ZFAND3: variants seen among roughly 807,000 people sequenced by gnomAD.
ZFAND3 encodes AN1-type zinc finger protein 3.
ZFAND3 carries 10 observed loss-of-function variants against 29.6 expected under a neutral mutation model. The ratio of observed to expected loss-of-function variants is 0.34; its 90% CI spans 0.21 to 0.57. The LOEUF (loss-of-function observed/expected upper bound fraction) is 0.57, where lower values mean the gene tolerates loss of function less well. Among genes scored for constraint, ZFAND3 ranks in the 20% least tolerant of loss-of-function variants. The pLI, the probability that ZFAND3 is intolerant of heterozygous loss-of-function variation, is 0.86. For synonymous variants in ZFAND3, 128 were observed against 112.6 expected, an observed-to-expected ratio of 1.14 and a Z score of -0.87; for missense variants, 230 against 304.5, an observed-to-expected ratio of 0.76 and a Z score of 1.82.
intron 5 of ZFAND3, 114 bp from the exon 6 acceptor site, chr6:38,152,120 TG>T: frequency 1.0e-6 from 1 of 998,250 alleles, no homozygotes; most frequent in South Asian, 2.0e-5. Flanking sequence ...CTGCAGTGAG[TG>T]TTGTCCACTC....
chr6:38,144,202 T>TATATATATATA (rs1766038791), intron 5 of ZFAND3, among the ~76,000 whole-genome samples: 1 of 41,190 alleles, frequency 2.4e-5, no homozygotes, highest in East Asian at 3.1e-4. Flanking sequence ...TATATATATA[T>TATATATATATA]ATATATATAA....
chr6:37,845,672 C>T (rs1248459858), intron 1 of ZFAND3, among the ~76,000 whole-genome samples: 2 of 152,200 alleles, frequency 1.3e-5, no homozygotes, highest in Admixed American at 1.3e-4. Flanking sequence ...GTATGCCAGT[C>T]TCTACTCCCT....
At position 37,937,812 on chromosome 6, in the gene ZFAND3, A is replaced by AAC. The variant is rs531777361; in HGVS notation, c.112+7825_112+7826dup. ...GACGCCCAAGAGGGATTTCTCGTGT[A>AAC]ACACACACACACATTTTGGTCATGT... On this transcript the variant is annotated intron_variant, in intron 2 of 5. Transcript: ENST00000287218. Among the ~76,000 whole-genome samples the AAC allele has an allele frequency of 2.9e-3, 436 of 152,130 alleles. 2 individuals are homozygous for AAC. Among genetic ancestry groups the AAC allele is most frequent in the African/African-American group, 9.8e-3 (408 of 41,514 alleles).
At chr6:38,041,710 T>C (rs1432672881) in intron 2 of ZFAND3, among the ~76,000 whole-genome samples, 69 of 556 alleles carry the variant, frequency 0.12, 8 homozygotes, top group South Asian at 0.5. Flanking sequence ...CTCCTCCTCC[T>C]CCTCCTCCTC....
chr6:38,050,845 G>A (rs190685263), intron 2 of ZFAND3, among the ~76,000 whole-genome samples: 10 of 152,212 alleles, frequency 6.6e-5, no homozygotes, highest in Non-Finnish European at 8.8e-5. Flanking sequence ...TTTATCTTAA[G>A]GGAAAACGTG....
intron 2 of ZFAND3, among the ~76,000 whole-genome samples, chr6:37,931,841 G>A (rs911146558): frequency 6.6e-6 from 1 of 152,184 alleles, no homozygotes; most frequent in Non-Finnish European, 1.5e-5. Context: ...CTAGGGGTTA[G>A]ATGGGAAAGA....
intron 2 of ZFAND3, among the ~76,000 whole-genome samples, chr6:38,026,594 T>C (rs1763454427): frequency 6.6e-6 from 1 of 151,908 alleles, no homozygotes; most frequent in Admixed American, 6.6e-5. Flanking sequence ...CATGCCCCAC[T>C]AATTTTTTGT....
chr6:37,954,129 T>TC (rs1163200515), intron 2 of ZFAND3, among the ~76,000 whole-genome samples: 9 of 152,176 alleles, frequency 5.9e-5, no homozygotes, highest in Non-Finnish European at 1.3e-4. Context: ...ATCCTTTTTT[T>TC]CTCTGGGTGC....
chr6:38,144,196 TATA>T, intron 5 of ZFAND3, among the ~76,000 whole-genome samples: 1 of 41,090 alleles, frequency 2.4e-5, no homozygotes, highest in Middle Eastern at 9.6e-3. Flanking sequence ...TATATATATA[TATA>T]TATATATATA....
intron 2 of ZFAND3, among the ~76,000 whole-genome samples, chr6:38,023,053 A>G (rs1763380369): frequency 6.6e-6 from 1 of 152,236 alleles, no homozygotes; most frequent in Non-Finnish European, 1.5e-5. Context: ...AGAATGTACT[A>G]TTCTTTGTGA....
At position 38,116,677 on chromosome 6, in the gene ZFAND3, G is replaced by A; in HGVS notation, c.467G>A (p.Arg156Gln). 4 of 1,614,120 alleles carry A rather than the reference G, an allele frequency of 2.5e-6. No individual in the cohort carries two copies. Among genetic ancestry groups the A allele is most frequent in the Non-Finnish European group, 3.4e-6 (4 of 1,179,978 alleles). ...TSRSKQKSRR[R>Q]CFQCQTKLEL... ...CGATCTAAACAGAAGAGTCGACGTC[G>A]GTGCTTCCAGTGCCAAACCAAACTG... The change falls in exon 5 of 6, where the codon CGG (arginine) becomes CAG (glutamine). Residue 156 changes from arginine (R) to glutamine (Q), a missense_variant. Physicochemically the swap from Arg to Gln is conservative, Grantham distance 43. This residue lies in a region of ZFAND3 where 180 missense variants were observed against 202.5 expected (regional missense o/e 0.89). Transcript: ENST00000287218.
At chr6:37,831,343 T>C (rs990817077) in intron 1 of ZFAND3, among the ~76,000 whole-genome samples, 6 of 152,182 alleles carry the variant, frequency 3.9e-5, no homozygotes, top group African/African-American at 1.4e-4. Flanking sequence ...GATGCCACCT[T>C]ATTAATTGGT....
intron 2 of ZFAND3, among the ~76,000 whole-genome samples, chr6:37,953,441 C>CTTTTTTTTTTTTTTTTTTTT (rs35182018): frequency 9.4e-6 from 1 of 106,224 alleles, no homozygotes; most frequent in Non-Finnish European, 1.8e-5. Flanking sequence ...GCATAATTAT[C>CTTTTTTTTTTTTTTTTTTTT]TTTTTTTTTT....
At position 38,044,129 on chromosome 6, in the gene ZFAND3, G is replaced by A. The variant is rs77565372; in HGVS notation, c.113-17464G>A. Among the ~76,000 whole-genome samples, 2,532 of 152,200 alleles carry A rather than the reference G, an allele frequency of 0.017. 254 individuals carry two copies. The East Asian group carries it at 0.28, about 17-fold the overall frequency. On this transcript the variant is annotated intron_variant, in intron 2 of 5. Transcript: ENST00000287218. ...CAACAAAAACTAATCCAATAAAAAA[G>A]CATTCCAAAGTCTTTAATCTGTTCT...
intron 4 of ZFAND3, among the ~76,000 whole-genome samples, chr6:38,087,863 T>A (rs1173097700): frequency 1.3e-5 from 2 of 152,196 alleles, no homozygotes; most frequent in African/African-American, 4.8e-5. Flanking sequence ...ATAAGTATAC[T>A]GAAGTGGTAT....
At chr6:38,063,144 G>A (rs1234866748) in intron 3 of ZFAND3, among the ~76,000 whole-genome samples, 1 of 152,154 alleles carries the variant, frequency 6.6e-6, no homozygotes, top group East Asian at 1.9e-4. Context: ...TAGAAACACA[G>A]TAGGTTAGAA....
At chr6:37,924,007 A>G (rs181214232) in intron 1 of ZFAND3, among the ~76,000 whole-genome samples, 75 of 152,028 alleles carry the variant, frequency 4.9e-4, no homozygotes, top group Admixed American at 1.8e-3. Context: ...CATTCTGTTC[A>G]AGGGGTATGT....
At chr6:38,049,899 CTCACACCCA>C (rs1763986441) in intron 2 of ZFAND3, among the ~76,000 whole-genome samples, 1 of 131,850 alleles carries the variant, frequency 7.6e-6, no homozygotes, top group Non-Finnish European at 1.6e-5. Context: ...CCCCCTCCCC[CTCACACCCA>C]CCCCGTCTTC....
rs976833122 is a variant in ZFAND3, at chr6:37,884,033, G to A, written c.72-45926G>A. 4.1e-5 allele frequency among the ~76,000 whole-genome samples: 6 copies of A among 145,250 alleles called. 1 individual carries two copies. Among genetic ancestry groups the A allele is most frequent in the East Asian group, 3.9e-4 (2 of 5,146 alleles). On this transcript the variant is annotated intron_variant, in intron 1 of 5. Coordinates refer to ENST00000287218, the MANE Select transcript of ZFAND3 (RefSeq NM_021943.3). ...CTAGAGCTCCTGGGTAGGGAAAGATGTCTAGAGTTCTGATGTATGTGTAGC... is the reference window on the plus strand; with the variant it reads ...CTAGAGCTCCTGGGTAGGGAAAGATATCTAGAGTTCTGATGTATGTGTAGC...
Sources: allele counts gnomAD v4.1 joint callset (sites outside exome capture counted in the v4.1 genomes callset), GRCh38; gene constraint gnomAD v4.1.1; regional missense constraint gnomAD v4.1.1; transcripts MANE v1.5; gene names NCBI Gene and HGNC (gene_info 2026-07-23, HGNC 2026-07-21).